GABRG3: variants seen among roughly 807,000 people sequenced by gnomAD.
GABRG3 encodes the protein gamma-aminobutyric acid type A receptor subunit gamma3.
In GABRG3, 25 loss-of-function variants were observed where a neutral mutation model predicts 48.8. The ratio of observed to expected loss-of-function variants is 0.51; its 90% CI spans 0.37 to 0.72. The LOEUF (loss-of-function observed/expected upper bound fraction) is 0.72. Ranked by LOEUF, GABRG3 falls within the 30% of genes least tolerant of loss-of-function variation. The pLI is 0.00. For missense variants in GABRG3, 394 were observed against 577.9 expected (o/e 0.68, Z 3.26); for synonymous variants, 227 against 217.6 (o/e 1.04, Z -0.38).
chr15:27,205,143 GAGGAT>G (rs1888812569), intron 3 of GABRG3, among the ~76,000 whole-genome samples: 2 of 152,054 alleles, frequency 1.3e-5, no homozygotes, highest in African/African-American at 4.8e-5. Flanking sequence ...TGGTTTTCAA[GAGGAT>G]TGCTTCCAGC....
intron 3 of GABRG3, among the ~76,000 whole-genome samples, chr15:27,195,374 C>T (rs1374855882): frequency 6.6e-6 from 1 of 152,154 alleles, no homozygotes; most frequent in Non-Finnish European, 1.5e-5. Context: ...ACTCTGTCAC[C>T]AGGCTGGAGT....
At position 27,207,349 on chromosome 15, in the gene GABRG3, C is replaced by T. The variant is rs1255706188; in HGVS notation, c.271-119460C>T. On this transcript the variant is annotated intron_variant, in intron 3 of 9. Transcript: ENST00000615808. ...CATGTCCAAGACATAGCTTTTCTCACAAACGAAGTGACTGAGATAGGTCCA... is the reference window on the plus strand; with the variant it reads ...CATGTCCAAGACATAGCTTTTCTCATAAACGAAGTGACTGAGATAGGTCCA... 2.6e-5 allele frequency among the ~76,000 whole-genome samples: 4 copies of T among 152,304 alleles called. No individual in the cohort carries two copies. The East Asian group carries it at 7.7e-4, about 29-fold the overall frequency.
At chr15:26,998,651 C>A (rs1393686872) in intron 2 of GABRG3, among the ~76,000 whole-genome samples, 1 of 152,150 alleles carries the variant, frequency 6.6e-6, no homozygotes, top group Non-Finnish European at 1.5e-5. Flanking sequence ...AAAAATGGGG[C>A]TGGAGAGAGT....
chr15:27,198,384 CAT>C (rs1202180246), intron 3 of GABRG3, among the ~76,000 whole-genome samples: 3 of 152,136 alleles, frequency 2.0e-5, no homozygotes, highest in Non-Finnish European at 2.9e-5. Flanking sequence ...GGCCAAAAAA[CAT>C]ATGAAAAAAA....
At chr15:27,082,761 CT>C (rs529961824) in intron 3 of GABRG3, among the ~76,000 whole-genome samples, 24 of 152,308 alleles carry the variant, frequency 1.6e-4, no homozygotes, top group African/African-American at 5.5e-4. Context: ...TTAAAGTCCG[CT>C]GCAATGAAAG....
At chr15:27,459,764 A>T (rs879477432) in intron 5 of GABRG3, among the ~76,000 whole-genome samples, 1 of 152,166 alleles carries the variant, frequency 6.6e-6, no homozygotes, top group Admixed American at 6.5e-5. Flanking sequence ...ACACACCCAC[A>T]CTTCCTTGTA....
intron 3 of GABRG3, among the ~76,000 whole-genome samples, chr15:27,298,392 G>C (rs1595650472): frequency 6.6e-6 from 1 of 152,196 alleles, no homozygotes; most frequent in Admixed American, 6.5e-5. Flanking sequence ...TGATTTTGAG[G>C]GCTTCAGCAT....
chr15:27,417,546 G>A (rs1176498296), intron 5 of GABRG3, among the ~76,000 whole-genome samples: 3 of 151,960 alleles, frequency 2.0e-5, no homozygotes, highest in African/African-American at 4.8e-5. Context: ...TCCATCACCC[G>A]GGGCTCAGGT....
At chr15:27,458,167 C>T (rs916029024) in intron 5 of GABRG3, among the ~76,000 whole-genome samples, 3 of 152,154 alleles carry the variant, frequency 2.0e-5, no homozygotes, top group African/African-American at 4.8e-5. Flanking sequence ...GCATCTTCAC[C>T]GAAAGCACCC....
At chr15:27,063,560 C>T (rs563543067) in intron 3 of GABRG3, among the ~76,000 whole-genome samples, 5 of 152,326 alleles carry the variant, frequency 3.3e-5, no homozygotes, top group African/African-American at 9.6e-5. Context: ...GCCTTCTGCC[C>T]GTGACTGAAA....
intron 3 of GABRG3, among the ~76,000 whole-genome samples, chr15:27,238,195 C>T (rs866957839): frequency 5.0e-5 from 5 of 100,158 alleles, no homozygotes; most frequent in East Asian, 2.7e-4. Flanking sequence ...ATAAATGAGA[C>T]GTCAGGATGA....
At position 27,100,291 on chromosome 15, in the gene GABRG3, G is replaced by A. The variant is rs369169654; in HGVS notation, c.270+73470G>A. Among the ~76,000 whole-genome samples the A allele has an allele frequency of 9.5e-4, 144 of 151,604 alleles. 1 individual carries two copies. The South Asian group carries it at 0.029, about 31-fold the overall frequency. On this transcript the variant is annotated intron_variant, in intron 3 of 9. Transcript: ENST00000615808. ...TTCACTATCTACCAATAAAAGAAGTGGAAACCTGAATATTCTTCTACCGAT... is the reference window on the plus strand; with the variant it reads ...TTCACTATCTACCAATAAAAGAAGTAGAAACCTGAATATTCTTCTACCGAT...
intron 3 of GABRG3, among the ~76,000 whole-genome samples, chr15:27,098,540 T>G (rs915444586): frequency 2.0e-5 from 3 of 152,094 alleles, no homozygotes; most frequent in Non-Finnish European, 4.4e-5. Flanking sequence ...GACTTGGGCA[T>G]TAGGAAGAGG....
chr15:27,075,261 A>T (rs549896419), intron 3 of GABRG3, among the ~76,000 whole-genome samples: 9 of 152,230 alleles, frequency 5.9e-5, no homozygotes, highest in Admixed American at 4.6e-4. Flanking sequence ...GAATAGGTTT[A>T]TGCTAATTTT....
chr15:27,361,677 G>A (rs1895028725), intron 5 of GABRG3, among the ~76,000 whole-genome samples: 1 of 152,178 alleles, frequency 6.6e-6, no homozygotes. Flanking sequence ...AGGGTGGGTG[G>A]TCAACAGTCT....
rs753874366 is a variant in GABRG3, at chr15:26,977,034, A to G, written c.86A>G (p.Asp29Gly). 1 of 1,613,924 alleles carries G rather than the reference A, an allele frequency of 6.2e-7. No homozygotes were observed. The highest frequency in any genetic ancestry group is 1.1e-5 in the South Asian group (1 of 91,080). Residue 29 changes from aspartate to glycine, a missense_variant, in exon 2 of 10, where the codon GAT becomes GGT. Physicochemically the swap from Asp to Gly is moderately conservative, Grantham distance 94. Around this residue, in one of 3 missense-constraint regions of GABRG3, gnomAD observed 218 missense variants for 309.9 expected, o/e 0.70. Coordinates refer to ENST00000615808, the MANE Select transcript of GABRG3 (RefSeq NM_033223.5). ...SRKVEEDEYE[D>G]SSSNQKWVLA... ...AAGGTGGAAGAGGATGAATATGAAG[A>G]TTCATCATCAAACCAAAAGTGGGTC...
intron 3 of GABRG3, among the ~76,000 whole-genome samples, chr15:27,248,803 C>CACACACACACACACACAGAG (rs1377080195): frequency 3.6e-5 from 4 of 110,240 alleles, no homozygotes; most frequent in South Asian, 3.4e-4. Context: ...CACACACACA[C>CACACACACACACACACAGAG]AGAGAGAGAG....
intron 5 of GABRG3, among the ~76,000 whole-genome samples, chr15:27,374,955 C>A (rs1895543761): frequency 6.6e-6 from 1 of 152,086 alleles, no homozygotes; most frequent in Non-Finnish European, 1.5e-5. Flanking sequence ...CAATCACAGA[C>A]TGATGACCCC....
intron 6 of GABRG3, among the ~76,000 whole-genome samples, chr15:27,491,778 G>A (rs529691161): frequency 8.5e-5 from 13 of 152,276 alleles, no homozygotes; most frequent in South Asian, 8.3e-4. Flanking sequence ...ACAAAAAGGA[G>A]TCTGAGGAAA....
Sources: allele counts gnomAD v4.1 joint callset (sites outside exome capture counted in the v4.1 genomes callset), GRCh38; gene constraint gnomAD v4.1.1; regional missense constraint gnomAD v4.1.1; transcripts MANE v1.5; gene names NCBI Gene and HGNC (gene_info 2026-07-23, HGNC 2026-07-21).